Variants in APC observed in about 807,000 individuals in gnomAD.
APC encodes the protein APC regulator of Wnt signaling pathway, also known as adenomatous polyposis coli protein.
A neutral mutation model predicts 247.0 loss-of-function variants in APC; 72 were observed. The ratio of observed to expected loss-of-function variants is 0.29; its 90% CI spans 0.24 to 0.35. APC has a LOEUF of 0.35. APC is among the 10% of genes least tolerant of loss of function. The pLI is 1.00. For missense variants in APC, 3,400 were observed against 3,360.7 expected (o/e 1.01, Z -0.29); for synonymous variants, 1,254 against 1,162.5 (o/e 1.08, Z -1.60).
chr5:112,793,159 C>T (rs1431036591), intron 7 of APC, among the ~76,000 whole-genome samples: 1 of 152,114 alleles, frequency 6.6e-6, no homozygotes, highest in African/African-American at 2.4e-5. Flanking sequence ...CCCTACAACC[C>T]TGTACAGCTA....
In APC at chr5:112,801,270, T is replaced by A. The variant is rs780218375; in HGVS notation, c.730-9T>A. ...TTTGCATGTACTGATGTTAACTCCA[T>A]CTTAACAGAGGTCATCTCAGAACAA... On this transcript the variant is annotated splice_polypyrimidine_tract_variant and intron_variant, in intron 7 of 15. Transcript: ENST00000257430. 3 of 1,610,644 alleles carry A rather than the reference T, an allele frequency of 1.9e-6. No individual in the cohort carries two copies. In the African/African-American group the frequency reaches 4.0e-5, roughly 21 times the overall value.
chr5:112,818,517 G>A (rs547659580), intron 9 of APC, among the ~76,000 whole-genome samples: 1 of 152,206 alleles, frequency 6.6e-6, no homozygotes, highest in East Asian at 1.9e-4. Flanking sequence ...TTGCAGAAAT[G>A]TTTTCTGTTT....
intron 1 of APC, among the ~76,000 whole-genome samples, chr5:112,749,049 T>G (rs1313775585): frequency 6.6e-6 from 1 of 152,194 alleles, no homozygotes; most frequent in African/African-American, 2.4e-5. Flanking sequence ...ATGGAAAGTT[T>G]TTTCTTTGTC....
chr5:112,818,887 T>A (rs2149777783), intron 9 of APC, 79 bp from the exon 10 acceptor site: 5 of 1,314,930 alleles, frequency 3.8e-6, no homozygotes, highest in Non-Finnish European at 5.4e-6. Context: ...ATAGTAAATA[T>A]CCCATTCATC....
intron 1 of APC, among the ~76,000 whole-genome samples, chr5:112,752,805 A>G (rs952178885): frequency 2.6e-5 from 4 of 152,116 alleles, no homozygotes; most frequent in African/African-American, 9.7e-5. Flanking sequence ...TATTTTTTCC[A>G]TAAAGTTAGA....
chr5:112,825,020 C>T (rs1024901019), intron 11 of APC, among the ~76,000 whole-genome samples: 2 of 152,148 alleles, frequency 1.3e-5, no homozygotes, highest in African/African-American at 4.8e-5. Context: ...GTATTTTAGA[C>T]ACTTCTAACT....
chr5:112,769,128 G>A lies in APC; in HGVS notation c.422+1738G>A, dbSNP rs140281996. ...GTGCAGTGGCGCAATCTTGGCTCCT[G>A]CAACCTCCACCTCCTAGGTTCAAGC... On this transcript the variant is annotated intron_variant, in intron 4 of 15. Transcript: ENST00000257430. Among the ~76,000 whole-genome samples, 751 of 131,938 alleles carry A rather than the reference G, an allele frequency of 5.7e-3. 4 individuals carry two copies. The highest frequency in any genetic ancestry group is 0.021 in the African/African-American group (708 of 34,180). The allele number at this position is 131,938 out of a possible 152,430, so 86.6% of individuals were successfully genotyped here.
intron 1 of APC, among the ~76,000 whole-genome samples, chr5:112,726,676 C>T (rs1195502997): frequency 6.6e-6 from 1 of 152,134 alleles, no homozygotes; most frequent in East Asian, 1.9e-4. Flanking sequence ...CCTCCTCTAC[C>T]CAGTATTTCC....
At chr5:112,740,985 C>A (rs771306987) in intron 1 of APC, among the ~76,000 whole-genome samples, 1 of 152,088 alleles carries the variant, frequency 6.6e-6, no homozygotes, top group African/African-American at 2.4e-5. Context: ...TTTGATCTCC[C>A]TTCTCCCCCT....
intron 1 of APC, among the ~76,000 whole-genome samples, chr5:112,743,510 A>G (rs6876301): frequency 0.037 from 5,581 of 152,232 alleles, 326 homozygotes; most frequent in African/African-American, 0.13. Flanking sequence ...TTCATTTACC[A>G]AGTTTATTTA....
chr5:112,738,394 G>T, intron 1 of APC: 2 of 985,726 alleles, frequency 2.0e-6, no homozygotes, highest in South Asian at 9.4e-5. Flanking sequence ...AGACAAAACC[G>T]CTGCAGATGG....
intron 5 of APC, among the ~76,000 whole-genome samples, chr5:112,778,688 A>AG (rs36093821): frequency 6.6e-6 from 1 of 151,232 alleles, no homozygotes; most frequent in Non-Finnish European, 1.5e-5. Flanking sequence ...CTGGGACTAC[A>AG]GCATGCCACC....
rs1257473862 is a variant in APC at position 112,707,705 on chromosome 5, C to G, written c.-13C>G. On this transcript the variant is annotated 5_prime_UTR_variant, in exon 1 of 14. Coordinates refer to the APC transcript ENST00000507379. ...GAAGCACTCAGTTGCCTTCTCGGGC[C>G]TCGGCGCCCCCTATGTACGCCTCCC... 1.5e-6 allele frequency: 2 copies of G among 1,370,638 alleles called. No individual in the cohort carries two copies. Among genetic ancestry groups the G allele is most frequent in the East Asian group, 6.8e-5 (2 of 29,408 alleles). 84.9% of individuals were successfully genotyped at this position (1,370,638 alleles called of 1,614,324 possible).
chr5:112,722,358 A>G (rs1352926748), intron 1 of APC, among the ~76,000 whole-genome samples: 2 of 152,256 alleles, frequency 1.3e-5, no homozygotes, highest in African/African-American at 4.8e-5. Flanking sequence ...ACATAGTAAA[A>G]GACATCTGTG....
intron 12 of APC, 54 bp from the exon 13 acceptor site, chr5:112,827,875 G>A (rs1763861278): frequency 6.9e-7 from 1 of 1,455,716 alleles, no homozygotes; most frequent in Non-Finnish European, 9.6e-7. Flanking sequence ...CAAAAATAAA[G>A]CTTGGCTTCA....
At chr5:112,788,461 T>C (rs1759220647) in intron 6 of APC, among the ~76,000 whole-genome samples, 1 of 152,160 alleles carries the variant, frequency 6.6e-6, no homozygotes, top group South Asian at 2.1e-4. Context: ...AACACCATGA[T>C]CCTAGGTAAA....
intron 8 of APC, among the ~76,000 whole-genome samples, chr5:112,807,988 C>T (rs1761590649): frequency 6.6e-6 from 1 of 152,012 alleles, no homozygotes; most frequent in African/African-American, 2.4e-5. Flanking sequence ...AACCCTGTCT[C>T]TACTGAAAAT....
intron 2 of APC, 121 bp downstream of exon 2, chr5:112,755,146 CTCTT>C: frequency 7.3e-7 from 1 of 1,371,626 alleles, no homozygotes; most frequent in Non-Finnish European, 9.9e-7. Context: ...AATATGTAAA[CTCTT>C]TCTTGCAAAA....
chr5:112,733,456 G>A (rs1175375679), upstream of APC, among the ~76,000 whole-genome samples: 1 of 152,114 alleles, frequency 6.6e-6, no homozygotes, highest in Non-Finnish European at 1.5e-5. Flanking sequence ...ATTTGAGAAG[G>A]GGCAAGGTCA....
Sources: gnomAD v4.1 joint callset for allele counts (sites outside exome capture counted in the v4.1 genomes callset) on GRCh38, gnomAD v4.1.1 for gene constraint, MANE v1.5 for transcripts, NCBI Gene and HGNC (gene_info 2026-07-23, HGNC 2026-07-21) for gene names.